The following MID2 variants were observed in gnomAD, a reference collection of about 807,000 sequenced individuals.
The protein encoded by MID2 is midline 2, also known as probable E3 ubiquitin-protein ligase MID2.
A neutral mutation model predicts 46.1 loss-of-function variants in MID2; 13 were observed. That is an observed-to-expected ratio of 0.28 (90% CI 0.18 to 0.45). The LOEUF is 0.45. Ranked by LOEUF, MID2 falls within the 20% of genes least tolerant of loss-of-function variation. MID2 has a pLI of 1.00. For missense variants in MID2, 431 were observed against 575.4 expected (o/e 0.75, Z 2.57); for synonymous variants, 199 against 212.3 (o/e 0.94, Z 0.55).
intron 3 of MID2, among the ~76,000 whole-genome samples, chrX:107,863,545 G>T (rs1931899276): frequency 8.9e-6 from 1 of 111,925 alleles, no homozygotes; most frequent in African/African-American, 3.2e-5. Flanking sequence ...GCTTAATTTT[G>T]GCTCCTCTTG....
At chrX:107,903,059 A>G (rs776965728) in intron 3 of MID2, among the ~76,000 whole-genome samples, 3 of 112,079 alleles carry the variant, frequency 2.7e-5, no homozygotes, top group African/African-American at 9.7e-5. Context: ...GTTTCCCCGT[A>G]TGTGAAATGG....
chrX:107,881,923 T>A (rs1393213023), intron 3 of MID2, among the ~76,000 whole-genome samples: 1 of 111,916 alleles, frequency 8.9e-6, no homozygotes, highest in African/African-American at 3.3e-5. Context: ...GCATTAGGGG[T>A]GAAATAACAT....
intron 3 of MID2, among the ~76,000 whole-genome samples, chrX:107,891,438 G>T (rs907947339): frequency 1.8e-5 from 2 of 109,803 alleles, no homozygotes; most frequent in Non-Finnish European, 3.8e-5. Flanking sequence ...GCGCCACCAT[G>T]CCTGGCTATT....
At chrX:107,923,224 A>C (rs1256908877) in intron 7 of MID2, among the ~76,000 whole-genome samples, 1 of 112,117 alleles carries the variant, frequency 8.9e-6, no homozygotes, top group African/African-American at 3.2e-5. Flanking sequence ...GAAATGACTG[A>C]ATTCACTGCT....
intron 3 of MID2, among the ~76,000 whole-genome samples, chrX:107,896,680 A>T (rs1932742380): frequency 8.9e-6 from 1 of 111,750 alleles, no homozygotes; most frequent in Admixed American, 9.5e-5. Flanking sequence ...TACAGGTACT[A>T]TTTTTTTTCA....
chrX:107,920,918 G>A (rs1361311186), intron 7 of MID2, among the ~76,000 whole-genome samples: 1 of 111,812 alleles, frequency 8.9e-6, no homozygotes, highest in Non-Finnish European at 1.9e-5. Context: ...GAATTCTTCA[G>A]TGTATATTTC....
intron 7 of MID2, among the ~76,000 whole-genome samples, chrX:107,920,157 C>T (rs1047027197): frequency 1.8e-5 from 2 of 112,317 alleles, no homozygotes; most frequent in Non-Finnish European, 1.9e-5. Context: ...TCCTACCTGC[C>T]GGTCTGGCCT....
chrX:107,875,305 C>T (rs1010963870), intron 3 of MID2, among the ~76,000 whole-genome samples: 6 of 111,811 alleles, frequency 5.4e-5, no homozygotes, highest in Admixed American at 3.8e-4. Context: ...ACCACAGCTT[C>T]ATTAACAAGG....
rs766608297 is a variant in MID2, at chrX:107,880,952, A to G, written c.817-23006A>G. On this transcript the variant is annotated intron_variant, in intron 3 of 9. Transcript: ENST00000262843. ...TTTGCAAAGGCGATTTCAAAATTGT[A>G]TCTTTTTTCTATCTTATCCCTTTCT... Among the ~76,000 whole-genome samples the G allele has an allele frequency of 3.5e-5, 4 of 113,173 alleles. No homozygotes were observed. The East Asian group carries it at 1.1e-3, about 31-fold the overall frequency.
intron 2 of MID2, among the ~76,000 whole-genome samples, chrX:107,853,816 T>C (rs976700449): frequency 1.9e-4 from 21 of 111,756 alleles, no homozygotes; most frequent in Non-Finnish European, 3.4e-4. Context: ...GCAGCAAAAC[T>C]GTGACTGAGG....
At chrX:107,895,220 G>C (rs746604617) in intron 3 of MID2, 2 of 106,866 alleles carry the variant, frequency 1.9e-5, no homozygotes, top group Non-Finnish European at 3.8e-5. Context: ...TTTTTTGGGG[G>C]GGGGGTGGAT....
intron 2 of MID2, among the ~76,000 whole-genome samples, chrX:107,841,744 T>C (rs898157378): frequency 1.8e-5 from 2 of 112,563 alleles, no homozygotes; most frequent in Non-Finnish European, 3.7e-5. Flanking sequence ...CTTGTGTACG[T>C]GTACTACAAT....
intron 3 of MID2, among the ~76,000 whole-genome samples, chrX:107,859,664 G>A (rs1261216118): frequency 8.9e-6 from 1 of 112,506 alleles, no homozygotes; most frequent in Non-Finnish European, 1.9e-5. Context: ...GCATGGAGGA[G>A]GAAACACTCA....
chrX:107,871,252 C>T (rs904666037), intron 3 of MID2, among the ~76,000 whole-genome samples: 3 of 111,737 alleles, frequency 2.7e-5, no homozygotes, highest in African/African-American at 9.8e-5. Flanking sequence ...CTGGAGTGCA[C>T]GGGTGCTAGA....
Position 107,826,082 on chromosome X carries a change from C to G in MID2, c.-345C>G. 3.4e-6 allele frequency: 1 copy of G among 296,352 alleles called. No individual in the cohort carries two copies. 24.4% of individuals were successfully genotyped at this position (296,352 alleles called of 1,213,427 possible). A position where few individuals can be genotyped will look rare whatever the true frequency, so the allele number is the denominator to read the frequency against. On this transcript the variant is annotated 5_prime_UTR_variant, in exon 1 of 10. Coordinates refer to ENST00000262843, the MANE Select transcript of MID2 (RefSeq NM_012216.4). ...GGATTGCCTTTTTTTTCCTCTGCGGCGGCGGAAATGACAGTGTGGTGCTGC... is the reference window on the plus strand; with the variant it reads ...GGATTGCCTTTTTTTTCCTCTGCGGGGGCGGAAATGACAGTGTGGTGCTGC...
chrX:107,833,411 TTA>T (rs200944691), intron 1 of MID2, among the ~76,000 whole-genome samples: 7 of 93,913 alleles, frequency 7.5e-5, no homozygotes, highest in East Asian at 3.0e-4. Context: ...AATGTTTATT[TTA>T]TATATATATA....
intron 3 of MID2, among the ~76,000 whole-genome samples, chrX:107,878,211 C>G (rs1039591338): frequency 9.0e-6 from 1 of 110,705 alleles, no homozygotes; most frequent in Admixed American, 9.6e-5. Context: ...TCCCTGGGCC[C>G]CAAGACTGCC....
intron 3 of MID2, among the ~76,000 whole-genome samples, chrX:107,903,349 CTT>C (rs1168972578): frequency 9.2e-6 from 1 of 108,232 alleles, no homozygotes; most frequent in African/African-American, 3.4e-5. Flanking sequence ...CCAACCCTGA[CTT>C]TGCAGTAAAG....
intron 2 of MID2, among the ~76,000 whole-genome samples, chrX:107,842,648 T>A (rs187541063): frequency 1.8e-5 from 2 of 112,364 alleles, no homozygotes; most frequent in East Asian, 5.6e-4. Flanking sequence ...TCACAATGAC[T>A]ATGGTTTGTG....
Sources: allele counts gnomAD v4.1 joint callset (sites outside exome capture counted in the v4.1 genomes callset), GRCh38; gene constraint gnomAD v4.1.1; transcripts MANE v1.5; gene names NCBI Gene and HGNC (gene_info 2026-07-23, HGNC 2026-07-21).